The following USP46 variants were observed in gnomAD, a reference collection of about 807,000 sequenced individuals.
USP46 encodes the protein ubiquitin specific peptidase 46.
A neutral mutation model predicts 44.4 loss-of-function variants in USP46; 12 were observed. The ratio of observed to expected loss-of-function variants is 0.27; its 90% confidence interval spans 0.17 to 0.44. The LOEUF (loss-of-function observed/expected upper bound fraction) is 0.44, where lower values mean the gene tolerates loss of function less well. Among genes scored for constraint, USP46 ranks in the 20% least tolerant of loss-of-function variants. USP46 has a pLI of 1.00. For missense variants in USP46, 248 were observed against 444.8 expected (o/e 0.56, Z 3.98); for synonymous variants, 155 against 161.5 (o/e 0.96, Z 0.31).
intron 4 of USP46, among the ~76,000 whole-genome samples, chr4:52,623,012 G>A (rs1436877082): frequency 6.6e-6 from 1 of 152,202 alleles, no homozygotes; most frequent in African/African-American, 2.4e-5. Flanking sequence ...CTTTAGGTAG[G>A]AGAGTAACAT....
At position 52,594,549 on chromosome 4, in the gene USP46, A is replaced by C. The variant is rs556530304; in HGVS notation, c.*3091T>G. ...TGACCATATAATAGCAAACAAGGGCAAAACATTTAGTGCACAATATTTTAA... is the reference window on the plus strand; with the variant it reads ...TGACCATATAATAGCAAACAAGGGCCAAACATTTAGTGCACAATATTTTAA... On this transcript the variant is annotated 3_prime_UTR_variant, in exon 9 of 9. Transcript: ENST00000441222. 6.6e-6 allele frequency: 1 copy of C among 152,334 alleles called. No individual in the cohort carries two copies. Among genetic ancestry groups the C allele is most frequent in the East Asian group, 1.9e-4 (1 of 5,180 alleles). 9.4% of individuals were successfully genotyped at this position (152,334 alleles called of 1,614,324 possible). A position where few individuals can be genotyped will look rare whatever the true frequency, so the allele number is the denominator to read the frequency against.
chr4:52,629,145 T>A (rs1717710448), intron 2 of USP46, among the ~76,000 whole-genome samples: 2 of 152,220 alleles, frequency 1.3e-5, no homozygotes, highest in Admixed American at 1.3e-4. Context: ...TCAAAACTGG[T>A]TGTTGGCTTG....
chr4:52,602,292 G>T (rs1256183553), intron 6 of USP46, among the ~76,000 whole-genome samples: 1 of 152,172 alleles, frequency 6.6e-6, no homozygotes, highest in Non-Finnish European at 1.5e-5. Flanking sequence ...GGAAGGAGAC[G>T]TTCCAGAATT....
chr4:52,610,432 A>C (rs1716897089), intron 5 of USP46, 109 bp downstream of exon 5: 4 of 919,346 alleles, frequency 4.4e-6, no homozygotes, highest in Admixed American at 2.4e-5. Context: ...TAATAGGATC[A>C]TATTGGTTTA....
intron 1 of USP46, among the ~76,000 whole-genome samples, chr4:52,639,509 G>GA (rs1182708826): frequency 6.0e-5 from 9 of 150,314 alleles, no homozygotes; most frequent in East Asian, 1.9e-4. Context: ...GGGGGAAGCA[G>GA]AAAAAAAAAT....
intron 2 of USP46, among the ~76,000 whole-genome samples, chr4:52,630,472 G>A (rs529157147): frequency 4.1e-4 from 63 of 152,194 alleles, no homozygotes; most frequent in African/African-American, 1.4e-3. Context: ...AGCAGATTTC[G>A]GGCCTGGTGC....
intron 4 of USP46, among the ~76,000 whole-genome samples, chr4:52,619,894 A>G (rs1717316908): frequency 6.6e-6 from 1 of 152,232 alleles, no homozygotes; most frequent in Admixed American, 6.5e-5. Flanking sequence ...AAGTAACTCC[A>G]GAGAAAAAAC....
At chr4:52,620,879 A>C (rs1717349844) in intron 4 of USP46, among the ~76,000 whole-genome samples, 1 of 152,248 alleles carries the variant, frequency 6.6e-6, no homozygotes, top group Non-Finnish European at 1.5e-5. Context: ...ATATCCAACA[A>C]CAGTAAAATG....
At chr4:52,648,121 T>A (rs998308752) in intron 1 of USP46, among the ~76,000 whole-genome samples, 59 of 152,194 alleles carry the variant, frequency 3.9e-4, no homozygotes, top group South Asian at 2.1e-4. Context: ...CATCAAGCTC[T>A]CATACCCAAT....
At chr4:52,613,849 T>C (rs915741944) in intron 4 of USP46, among the ~76,000 whole-genome samples, 1 of 152,094 alleles carries the variant, frequency 6.6e-6, no homozygotes, top group Non-Finnish European at 1.5e-5. Context: ...TAAGACATTG[T>C]TAAAAGAAAA....
In USP46 at chr4:52,604,581, G is replaced by C; in HGVS notation, c.642C>G (p.Asp214Glu). The change falls in exon 6 of 9, where the codon GAC (aspartate) becomes GAG (glutamate). Residue 214 changes from aspartate (D) to glutamate (E), a missense_variant. Coordinates refer to ENST00000441222, the MANE Select transcript of USP46 (RefSeq NM_022832.4). The part of the protein sequence containing the change: ...QNTSITHCLR[D>E]FSNTETLCSE... ...TACACAGTGTTTCTGTGTTGCTGAA[G>C]TCTCTGTAGAGGAAAATATTTCCAT... The C allele has an allele frequency of 1.3e-6, 2 of 1,597,364 alleles. No individual in the cohort carries two copies. The highest frequency in any genetic ancestry group is 1.7e-6 in the Non-Finnish European group (2 of 1,172,920).
At chr4:52,602,146 G>T (rs1328458032) in intron 6 of USP46, 92 bp from the exon 7 acceptor site, 26 of 1,390,100 alleles carry the variant, frequency 1.9e-5, no homozygotes, top group Non-Finnish European at 2.2e-5. Context: ...ATAGTAGGAG[G>T]TTCTATCCAA....
Sources: gnomAD v4.1 joint callset for allele counts (sites outside exome capture counted in the v4.1 genomes callset) on GRCh38, gnomAD v4.1.1 for gene constraint, MANE v1.5 for transcripts, NCBI Gene and HGNC (gene_info 2026-07-23, HGNC 2026-07-21) for gene names.